The following ATP11A variants were observed in gnomAD, a reference collection of about 807,000 sequenced individuals.
ATP11A encodes the protein ATPase phospholipid transporting 11A, also known as phospholipid-transporting ATPase IH.
A neutral mutation model predicts 154.4 loss-of-function variants in ATP11A; 81 were observed. That is an observed-to-expected ratio of 0.52 (90% CI 0.44 to 0.63). The LOEUF is 0.63. ATP11A is among the 30% of genes least tolerant of loss of function. The pLI is 0.00. For synonymous variants in ATP11A, 623 were observed against 585.9 expected (o/e 1.06, Z -0.91); for missense variants, 1,316 against 1,474.3 (o/e 0.89, Z 1.76).
At chr13:112,862,602 C>T in intron 25 of ATP11A, 27 bp downstream of exon 25, 7 of 1,613,758 alleles carry the variant, frequency 4.3e-6, no homozygotes, top group Non-Finnish European at 5.9e-6. Context: ...ATTGCGCTGA[C>T]TTAGCTGCTT....
chr13:112,691,396 G>A (rs1342012183), intron 1 of ATP11A, among the ~76,000 whole-genome samples: 2 of 151,354 alleles, frequency 1.3e-5, no homozygotes, highest in Admixed American at 1.3e-4. Flanking sequence ...CCCGGGAGGC[G>A]GTGGTTGCAA....
intron 1 of ATP11A, among the ~76,000 whole-genome samples, chr13:112,726,745 G>A (rs1889930901): frequency 6.6e-6 from 1 of 152,222 alleles, no homozygotes. Flanking sequence ...TAGTGGTGAA[G>A]AGTGTTATAA....
chr13:112,883,569 T>C lies in ATP11A; in HGVS notation c.*1703T>C, dbSNP rs1357543646. ...TGTATAATCTTTTACCTATAAAATA[T>C]TTATTTGAAGTAGAGGGTAAATCAG... On this transcript the variant is annotated 3_prime_UTR_variant, in exon 30 of 30. Coordinates refer to ENST00000375645, the MANE Select transcript of ATP11A (RefSeq NM_015205.3). 1 of 174,516 alleles carries C rather than the reference T, an allele frequency of 5.7e-6. No homozygotes were observed. The allele number at this position is 174,516 out of a possible 1,614,324, so 10.8% of individuals were successfully genotyped here. A position where few individuals can be genotyped will look rare whatever the true frequency, so the allele number is the denominator to read the frequency against.
intron 4 of ATP11A, among the ~76,000 whole-genome samples, chr13:112,809,993 A>G (rs1237389622): frequency 2.0e-5 from 3 of 152,202 alleles, no homozygotes; most frequent in Admixed American, 2.0e-4. Context: ...CTGTGCGTGC[A>G]CGGGAGTCAC....
At chr13:112,879,122 G>A (rs2080813662) in intron 29 of ATP11A, among the ~76,000 whole-genome samples, 1 of 152,208 alleles carries the variant, frequency 6.6e-6, no homozygotes, top group Admixed American at 6.5e-5. Flanking sequence ...GTGTGCTCCT[G>A]CACCAAATAC....
chr13:112,703,767 G>T (rs1043848574), intron 1 of ATP11A, among the ~76,000 whole-genome samples: 1 of 152,102 alleles, frequency 6.6e-6, no homozygotes, highest in Non-Finnish European at 1.5e-5. Flanking sequence ...GCTGGTAGGG[G>T]AGAGGTGGTT....
At chr13:112,806,862 C>G (rs181066811) in intron 4 of ATP11A, among the ~76,000 whole-genome samples, 1 of 152,302 alleles carries the variant, frequency 6.6e-6, no homozygotes, top group African/African-American at 2.4e-5. Flanking sequence ...GTCGCCTATT[C>G]TAAACATTTC....
chr13:112,698,701 A>G (rs1359655090), intron 1 of ATP11A, among the ~76,000 whole-genome samples: 3 of 151,412 alleles, frequency 2.0e-5, no homozygotes, highest in East Asian at 3.9e-4. Flanking sequence ...CTTTAAACCA[A>G]TCTTTTATTT....
At chr13:112,766,290 T>G (rs2077075203) in intron 1 of ATP11A, among the ~76,000 whole-genome samples, 1 of 152,200 alleles carries the variant, frequency 6.6e-6, no homozygotes, top group Non-Finnish European at 1.5e-5. Context: ...AGCCATGGTT[T>G]TTCATTTCTG....
intron 2 of ATP11A, among the ~76,000 whole-genome samples, chr13:112,793,235 C>T (rs781047270): frequency 2.8e-4 from 43 of 152,150 alleles, no homozygotes; most frequent in Non-Finnish European, 5.9e-4. Flanking sequence ...CAGAGTCTCT[C>T]TCTGTGCCCA....
At position 112,785,139 on chromosome 13, in the gene ATP11A, C is replaced by T. The variant is rs777387203; in HGVS notation, c.44C>T (p.Ala15Val). Residue 15 changes from alanine (A) to valine (V), a missense_variant, in exon 2 of 30, where the codon GCA (alanine) becomes GTA (valine). Ala to Val is a moderately conservative substitution (Grantham distance 64). This residue lies in a region of ATP11A where 123 missense variants were observed against 113.7 expected (regional missense o/e 1.08). Transcript: ENST00000375645. This position sits in a 1 kb window ranked among gnomAD's most constrained non-coding sequence, Gnocchi z 4.8. ...LVRTLVHRYC[A>V]GEENWVDSRT... ...ACACCGCTCTCCTTTCCGCAGTGTG[C>T]AGGAGAAGAGAATTGGGTGGACAGC... 15 of 1,539,764 alleles carry T rather than the reference C, an allele frequency of 9.7e-6. No homozygotes were observed. In the African/African-American group the frequency reaches 9.8e-5, roughly 10 times the overall value.
intron 24 of ATP11A, among the ~76,000 whole-genome samples, chr13:112,861,821 A>G (rs910132566): frequency 6.6e-6 from 1 of 151,594 alleles, no homozygotes; most frequent in South Asian, 2.1e-4. Flanking sequence ...TGTTCTAGAC[A>G]TGTGTCTGAA....
chr13:112,778,935 C>T (rs570276420), intron 1 of ATP11A, among the ~76,000 whole-genome samples: 50 of 113,038 alleles, frequency 4.4e-4, no homozygotes, highest in African/African-American at 1.6e-3. Flanking sequence ...AGTGAGTAGC[C>T]GCTGGAGTGA....
At chr13:112,718,598 G>A (rs939778239) in intron 1 of ATP11A, among the ~76,000 whole-genome samples, 1 of 152,092 alleles carries the variant, frequency 6.6e-6, no homozygotes, top group Admixed American at 6.5e-5. Flanking sequence ...AACTGCCCTC[G>A]AGAGATTGTC....
intron 1 of ATP11A, among the ~76,000 whole-genome samples, chr13:112,744,603 C>T (rs535380859): frequency 2.3e-4 from 35 of 152,220 alleles, no homozygotes; most frequent in Non-Finnish European, 2.5e-4. Flanking sequence ...ACGGGTGAGC[C>T]GCTGCACTTC....
At chr13:112,806,014 T>TA (rs2078313331) in intron 3 of ATP11A, among the ~76,000 whole-genome samples, 199 bp from the exon 4 acceptor site, 1 of 152,128 alleles carries the variant, frequency 6.6e-6, no homozygotes, top group South Asian at 2.1e-4. Context: ...TTCCTTAATT[T>TA]AAAAAAGGTG....
chr13:112,755,682 A>G (rs2076806426), intron 1 of ATP11A, among the ~76,000 whole-genome samples: 1 of 150,152 alleles, frequency 6.7e-6, no homozygotes, highest in Non-Finnish European at 1.5e-5. Flanking sequence ...CGGCTCCCAG[A>G]ACCATTTCCG....
chr13:112,740,154 A>ATATCTC (rs1555311742), intron 1 of ATP11A, among the ~76,000 whole-genome samples: 7 of 139,600 alleles, frequency 5.0e-5, no homozygotes, highest in African/African-American at 2.0e-4. Context: ...CTCTCTATAT[A>ATATCTC]TATATATATA....
chr13:112,826,598 A>G (rs1038097787), intron 11 of ATP11A, 96 bp from the exon 12 acceptor site: 16 of 1,009,370 alleles, frequency 1.6e-5, no homozygotes, highest in Non-Finnish European at 1.9e-5. Context: ...TAGCGCTCGT[A>G]TAACTTATGC....
Sources: allele counts gnomAD v4.1 joint callset (sites outside exome capture counted in the v4.1 genomes callset), GRCh38; gene constraint gnomAD v4.1.1; regional missense constraint gnomAD v4.1.1; non-coding constraint Gnocchi (gnomAD v3.1); transcripts MANE v1.5; gene names NCBI Gene and HGNC (gene_info 2026-07-23, HGNC 2026-07-21).